The following ADGRL3 variants were observed in gnomAD, a reference collection of about 807,000 sequenced individuals.
The protein encoded by ADGRL3 is adhesion G protein-coupled receptor L3.
Under a neutral mutation model 153.5 loss-of-function variants are expected in ADGRL3, and 62 were observed. That is an observed-to-expected ratio of 0.40 (90% CI 0.33 to 0.50). The LOEUF is 0.50. ADGRL3 is among the 20% of genes least tolerant of loss of function. The pLI, the probability that ADGRL3 is intolerant of heterozygous loss-of-function variation, is 0.47. For synonymous variants in ADGRL3, 710 were observed against 672.5 expected (o/e 1.06, Z -0.86); for missense variants, 1,641 against 1,859.4 (o/e 0.88, Z 2.16).
intron 4 of ADGRL3, among the ~76,000 whole-genome samples, chr4:61,566,824 A>G (rs1320809063): frequency 6.6e-6 from 1 of 152,058 alleles, no homozygotes; most frequent in Non-Finnish European, 1.5e-5. Flanking sequence ...TTTGACTGTT[A>G]TTATTACTTA....
chr4:61,369,631 C>G (rs561923679), intron 1 of ADGRL3, among the ~76,000 whole-genome samples: 18 of 152,220 alleles, frequency 1.2e-4, no homozygotes, highest in African/African-American at 4.3e-4. Flanking sequence ...ATTCGGTTTG[C>G]CAGTATTTTA....
chr4:61,890,059 A>C (rs2098563288), intron 9 of ADGRL3, among the ~76,000 whole-genome samples: 2 of 152,212 alleles, frequency 1.3e-5, no homozygotes. Context: ...ATCCTGAACA[A>C]GTTCATTTGA....
At position 61,689,626 on chromosome 4, in the gene ADGRL3, A is replaced by G. The variant is rs1409979409; in HGVS notation, c.583+12691A>G. ...TATTAAGGCTTACTTTCAAAAATAT[A>G]AAAGATTAAAATATAATCTCTTTAA... On this transcript the variant is annotated intron_variant, in intron 6 of 26. Coordinates refer to ENST00000683033, the MANE Select transcript of ADGRL3 (RefSeq NM_001387552.1). Among the ~76,000 whole-genome samples, 7 of 152,152 alleles carry G rather than the reference A, an allele frequency of 4.6e-5. No individual in the cohort carries two copies. The East Asian group carries it at 1.2e-3, about 25-fold the overall frequency.
chr4:61,365,198 A>T (rs1415427028), intron 1 of ADGRL3, among the ~76,000 whole-genome samples: 1 of 152,216 alleles, frequency 6.6e-6, no homozygotes, highest in Non-Finnish European at 1.5e-5. Context: ...GATTTTAAAA[A>T]AATGAAATCA....
intron 19 of ADGRL3, among the ~76,000 whole-genome samples, chr4:61,987,233 T>G (rs981927799): frequency 2.0e-5 from 3 of 151,932 alleles, no homozygotes; most frequent in Non-Finnish European, 2.9e-5. Flanking sequence ...TGGCACGATC[T>G]TGGCTCACCA....
chr4:61,344,522 G>T (rs747771682), intron 1 of ADGRL3, among the ~76,000 whole-genome samples: 1 of 152,016 alleles, frequency 6.6e-6, no homozygotes, highest in Non-Finnish European at 1.5e-5. Context: ...CCCTTGAAAA[G>T]AACTTTCAAA....
At chr4:61,826,004 A>G (rs548616084) in intron 9 of ADGRL3, among the ~76,000 whole-genome samples, 1 of 152,316 alleles carries the variant, frequency 6.6e-6, no homozygotes, top group South Asian at 2.1e-4. Context: ...CTCTTTTTAA[A>G]TGCATACAGT....
intron 3 of ADGRL3, among the ~76,000 whole-genome samples, chr4:61,500,779 G>A (rs1295348383): frequency 2.0e-5 from 3 of 152,064 alleles, no homozygotes; most frequent in Non-Finnish European, 4.4e-5. Context: ...ATAATTGCAT[G>A]GGTTTATTTT....
chr4:62,014,537 A>T (rs2099202377), intron 21 of ADGRL3, among the ~76,000 whole-genome samples: 2 of 152,214 alleles, frequency 1.3e-5, no homozygotes, highest in South Asian at 4.1e-4. Flanking sequence ...TACTATATTC[A>T]TGCAGTCACT....
intron 1 of ADGRL3, among the ~76,000 whole-genome samples, chr4:61,269,556 G>T (rs998032184): frequency 1.3e-5 from 2 of 151,258 alleles, no homozygotes; most frequent in Non-Finnish European, 3.0e-5. Context: ...TGATTTTTTT[G>T]GAAACATGAC....
intron 2 of ADGRL3, among the ~76,000 whole-genome samples, chr4:61,411,515 C>T (rs1218040761): frequency 6.6e-6 from 1 of 152,090 alleles, no homozygotes; most frequent in Non-Finnish European, 1.5e-5. Context: ...ATAGCTTGCC[C>T]AATTTTTCTT....
intron 1 of ADGRL3, among the ~76,000 whole-genome samples, chr4:61,369,580 C>T (rs887222798): frequency 2.0e-5 from 3 of 152,124 alleles, no homozygotes; most frequent in African/African-American, 7.2e-5. Context: ...GGGATGAAGC[C>T]CACTTGATCA....
At chr4:61,519,437 C>T (rs974241685) in intron 4 of ADGRL3, among the ~76,000 whole-genome samples, 10 of 152,090 alleles carry the variant, frequency 6.6e-5, no homozygotes, top group African/African-American at 2.2e-4. Flanking sequence ...CTGAGGTAAA[C>T]GTCTTGTGAT....
At chr4:61,481,046 C>T (rs1297370233) in intron 2 of ADGRL3, among the ~76,000 whole-genome samples, 2 of 152,116 alleles carry the variant, frequency 1.3e-5, no homozygotes, top group African/African-American at 2.4e-5. Context: ...ACTTAACACA[C>T]CCCTAGTAAT....
chr4:61,969,094 G>A (rs28423671), intron 17 of ADGRL3, among the ~76,000 whole-genome samples: 2,672 of 152,062 alleles, frequency 0.018, 85 homozygotes, highest in African/African-American at 0.062. Context: ...CACTCTAAGC[G>A]GTCAGCATAT....
chr4:61,783,351 C>T (rs1011515375), intron 8 of ADGRL3, among the ~76,000 whole-genome samples: 1 of 152,028 alleles, frequency 6.6e-6, no homozygotes, highest in African/African-American at 2.4e-5. Flanking sequence ...TTCCCATAGA[C>T]CTTCAGAGGT....
chr4:61,735,160 T>A (rs1304685683), intron 8 of ADGRL3, among the ~76,000 whole-genome samples: 1 of 152,192 alleles, frequency 6.6e-6, no homozygotes, highest in East Asian at 1.9e-4. Flanking sequence ...CTGACTCTAG[T>A]GTAATACATC....
intron 18 of ADGRL3, among the ~76,000 whole-genome samples, chr4:61,982,643 T>C (rs2099072375): frequency 6.6e-6 from 1 of 152,194 alleles, no homozygotes; most frequent in Non-Finnish European, 1.5e-5. Context: ...CTGAAAATTG[T>C]AGTACTTTAG....
At chr4:61,713,313 A>G (rs1467489864) in intron 6 of ADGRL3, among the ~76,000 whole-genome samples, 1 of 151,958 alleles carries the variant, frequency 6.6e-6, no homozygotes, top group Non-Finnish European at 1.5e-5. Context: ...TTCTCCATCT[A>G]GAAATTAGTT....
Sources: gnomAD v4.1 joint callset for allele counts (sites outside exome capture counted in the v4.1 genomes callset) on GRCh38, gnomAD v4.1.1 for gene constraint, MANE v1.5 for transcripts, NCBI Gene and HGNC (gene_info 2026-07-23, HGNC 2026-07-21) for gene names.